SETD7: variants seen among roughly 807,000 people sequenced by gnomAD.
The protein encoded by SETD7 is histone-lysine N-methyltransferase SETD7.
SETD7 carries 16 observed loss-of-function variants against 41.8 expected under a neutral mutation model. The ratio of observed to expected loss-of-function variants is 0.38; its 90% confidence interval spans 0.26 to 0.58. The LOEUF is 0.58. Among genes scored for constraint, SETD7 ranks in the 20% least tolerant of loss-of-function variants. The pLI, the probability that SETD7 is intolerant of heterozygous loss-of-function variation, is 0.64. For synonymous variants in SETD7, 163 were observed against 169.7 expected (o/e 0.96, Z 0.31); for missense variants, 346 against 459.7 (o/e 0.75, Z 2.26).
chr4:139,549,460 T>C (rs72726581), intron 1 of SETD7, among the ~76,000 whole-genome samples: 19,257 of 151,968 alleles, frequency 0.13, 1,510 homozygotes, highest in Middle Eastern at 0.21. Flanking sequence ...AGGATAGTAC[T>C]GATCCCAGTT....
chr4:139,541,510 C>A (rs79577276), intron 2 of SETD7, among the ~76,000 whole-genome samples: 1 of 152,170 alleles, frequency 6.6e-6, no homozygotes, highest in Admixed American at 6.6e-5. Flanking sequence ...CCTGTCACCA[C>A]GCTGCATCAA....
chr4:139,539,547 CTA>C (rs1322692215), intron 2 of SETD7, among the ~76,000 whole-genome samples: 4 of 152,192 alleles, frequency 2.6e-5, no homozygotes, highest in African/African-American at 9.7e-5. Context: ...AAGAAAAGAT[CTA>C]TGAGTCTACT....
At chr4:139,505,028 T>G (rs991476433), downstream of SETD7, among the ~76,000 whole-genome samples, 16 of 152,174 alleles carry the variant, frequency 1.1e-4, no homozygotes, top group African/African-American at 3.6e-4. Flanking sequence ...GAAAAGCTGA[T>G]CCAACATCAG....
chr4:139,529,061 C>T lies in SETD7; in HGVS notation c.532G>A (p.Gly178Arg). The part of the protein sequence containing the change: ...KLATLMSTEE[G>R]RPHFELMPGN... Reference sequence around the variant, plus strand: ...GGCATCAGTTCAAAGTGAGGCCTCCCTTCTTCAGTGGACATAAGGGTAGCC... The same window carrying T: ...GGCATCAGTTCAAAGTGAGGCCTCCTTTCTTCAGTGGACATAAGGGTAGCC... The change falls in exon 4 of 8, where the codon GGG becomes AGG. Residue 178 changes from glycine to arginine, a missense_variant. Gly to Arg is a moderately radical substitution (Grantham distance 125, BLOSUM62 -2). Coordinates refer to ENST00000274031, the MANE Select transcript of SETD7 (RefSeq NM_030648.4). 1.2e-6 allele frequency: 2 copies of T among 1,614,064 alleles called. No individual in the cohort carries two copies. The highest frequency in any genetic ancestry group is 2.7e-5 in the African/African-American group (2 of 75,026).
rs780530301 is a variant in SETD7 at position 139,533,195 on chromosome 4, A to G, written c.342T>C (p.Ile114=). 1.9e-6 allele frequency: 3 copies of G among 1,614,190 alleles called. No individual in the cohort carries two copies. Among genetic ancestry groups the G allele is most frequent in the South Asian group, 1.1e-5 (1 of 91,076 alleles). The part of the protein sequence containing the change: ...LIFKGQYKDN[I]RHGVCWIYYP... ...AATATATCCAGCACACTCCATGACG[A>G]ATGTTATCTTTATACTGCCCCTTGA... The change falls in exon 3 of 8, where the codon ATT becomes ATC. Residue 114 remains isoleucine, a synonymous_variant. Transcript: ENST00000274031.
intron 7 of SETD7, among the ~76,000 whole-genome samples, chr4:139,513,274 G>A (rs1196390730): frequency 6.6e-6 from 1 of 151,878 alleles, no homozygotes; most frequent in Non-Finnish European, 1.5e-5. Flanking sequence ...GCAAAAATTA[G>A]CTGGGTGTGG....
At chr4:139,496,338 C>T (rs1469893665) in exon 8 of SETD7, 4 of 700,182 alleles carry the variant, frequency 5.7e-6, no homozygotes, top group South Asian at 3.0e-5. Flanking sequence ...TCATTCCATT[C>T]GCTTTTATCT....
chr4:139,524,308 T>C (rs1057023788), intron 4 of SETD7, among the ~76,000 whole-genome samples: 10 of 152,186 alleles, frequency 6.6e-5, no homozygotes, highest in Admixed American at 5.9e-4. Flanking sequence ...TCAGTCAGTG[T>C]CCGCACAGAA....
chr4:139,549,826 G>GA (rs1728063035), intron 1 of SETD7, among the ~76,000 whole-genome samples: 1 of 151,928 alleles, frequency 6.6e-6, no homozygotes, highest in Admixed American at 6.6e-5. Context: ...TGTCCAGACT[G>GA]GAGTGCAATG....
In SETD7 at chr4:139,517,974, C is replaced by T; in HGVS notation, c.831G>A (p.Val277=). 6.2e-7 allele frequency: 1 copy of T among 1,614,068 alleles called. No individual in the cohort carries two copies. Among genetic ancestry groups the T allele is most frequent in the Non-Finnish European group, 8.5e-7 (1 of 1,179,984 alleles). Residue 277 remains valine (V), a synonymous_variant, in exon 7 of 8, where the codon GTG becomes GTA. Coordinates refer to ENST00000274031, the MANE Select transcript of SETD7 (RefSeq NM_030648.4). Reference sequence around the variant, plus strand: ...TGGATACGTGGTTATAGGGCTCAGGCACATCAATGACCGTTTCTTCATCAA... The same window carrying T: ...TGGATACGTGGTTATAGGGCTCAGGTACATCAATGACCGTTTCTTCATCAA... ...LSLDEETVID[V]PEPYNHVSKY... is the part of the protein sequence containing the mutation.
At chr4:139,533,455 C>T in intron 2 of SETD7, 89 bp from the exon 3 acceptor site, 3 of 1,097,436 alleles carry the variant, frequency 2.7e-6, no homozygotes, top group Non-Finnish European at 4.0e-6. Context: ...ACTGCATGCC[C>T]AGCTGTGTCA....
intron 7 of SETD7, among the ~76,000 whole-genome samples, chr4:139,496,873 TACAC>T (rs371772681): frequency 1.2e-4 from 18 of 149,842 alleles, no homozygotes; most frequent in African/African-American, 4.5e-4. Flanking sequence ...TGTGTTCCTG[TACAC>T]ACACACACAC....
chr4:139,551,109 C>G (rs1276205494), intron 1 of SETD7, among the ~76,000 whole-genome samples: 1 of 152,234 alleles, frequency 6.6e-6, no homozygotes, highest in Non-Finnish European at 1.5e-5. Context: ...CACAGAACCA[C>G]CAGGTTTCCA....
chr4:139,551,909 T>C (rs780239644), intron 1 of SETD7, among the ~76,000 whole-genome samples: 2 of 152,204 alleles, frequency 1.3e-5, no homozygotes, highest in Non-Finnish European at 2.9e-5. Context: ...TTATTCTGTT[T>C]AATGCAAAGA....
At chr4:139,517,564 C>T (rs1385766512) in intron 7 of SETD7, among the ~76,000 whole-genome samples, 1 of 150,618 alleles carries the variant, frequency 6.6e-6, no homozygotes, top group Non-Finnish European at 1.5e-5. Flanking sequence ...TTTCAAATAA[C>T]ACTATCTTTA....
chr4:139,523,298 T>C, intron 5 of SETD7, 56 bp downstream of exon 5: 1 of 1,336,992 alleles, frequency 7.5e-7, no homozygotes, highest in South Asian at 1.2e-5. Flanking sequence ...TTCCTACCAC[T>C]AGGCTTATTT....
At chr4:139,500,645 A>T (rs538080402) in intron 7 of SETD7, among the ~76,000 whole-genome samples, 76 of 152,192 alleles carry the variant, frequency 5.0e-4, no homozygotes, top group South Asian at 1.0e-3. Flanking sequence ...AGTAGATGGG[A>T]TTACAGGCAT....
intron 7 of SETD7, among the ~76,000 whole-genome samples, chr4:139,512,402 AGATTTCTTCCCAAGAGG>A (rs1726904658): frequency 6.6e-6 from 1 of 152,236 alleles, no homozygotes; most frequent in Non-Finnish European, 1.5e-5. Flanking sequence ...AAGTAGATGA[AGATTTCTTCCCAAGAGG>A]GAAGTCTAGA....
chr4:139,496,634 A>T, intron 7 of SETD7: 1 of 610,848 alleles, frequency 1.6e-6, no homozygotes, highest in East Asian at 2.7e-5. Context: ...ACCCAGCTGC[A>T]TTTTTCTAAA....
Sources: gnomAD v4.1 joint callset for allele counts (sites outside exome capture counted in the v4.1 genomes callset) on GRCh38, gnomAD v4.1.1 for gene constraint, MANE v1.5 for transcripts, NCBI Gene and HGNC (gene_info 2026-07-23, HGNC 2026-07-21) for gene names.